ACER3: variants seen among roughly 807,000 people sequenced by gnomAD.
ACER3 encodes alkCDase 3.
A neutral mutation model predicts 48.9 loss-of-function variants in ACER3; 16 were observed. That is an observed-to-expected ratio of 0.33 (90% CI 0.22 to 0.50). The LOEUF (loss-of-function observed/expected upper bound fraction) is 0.50. Ranked by LOEUF, ACER3 falls within the 20% of genes least tolerant of loss-of-function variation. The pLI is 0.98. For missense variants in ACER3, 227 were observed against 326.0 expected (o/e 0.70, Z 2.34); for synonymous variants, 109 against 107.8 (o/e 1.01, Z -0.07).
At chr11:76,966,016 A>G (rs1055008258) in intron 3 of ACER3, among the ~76,000 whole-genome samples, 13 of 151,344 alleles carry the variant, frequency 8.6e-5, no homozygotes, top group South Asian at 2.1e-4. Context: ...AGGCTGGCAA[A>G]TTGGATAAAG....
chr11:76,920,478 C>T (rs182131474), intron 1 of ACER3, among the ~76,000 whole-genome samples: 314 of 152,226 alleles, frequency 2.1e-3, no homozygotes, highest in African/African-American at 7.2e-3. Context: ...AATGCTCTAT[C>T]TCAGCCTTAG....
At chr11:76,872,550 G>C (rs1240277551) in intron 1 of ACER3, among the ~76,000 whole-genome samples, 1 of 152,156 alleles carries the variant, frequency 6.6e-6, no homozygotes, top group Non-Finnish European at 1.5e-5. Context: ...GTCTGCCTAA[G>C]ATTACATTGA....
At chr11:76,977,294 G>A (rs916922326) in intron 4 of ACER3, among the ~76,000 whole-genome samples, 1 of 152,222 alleles carries the variant, frequency 6.6e-6, no homozygotes, top group Non-Finnish European at 1.5e-5. Flanking sequence ...CTCAAGGAGA[G>A]GTTGGAAGAA....
chr11:76,889,669 C>T (rs1300869440), intron 1 of ACER3, among the ~76,000 whole-genome samples: 2 of 152,168 alleles, frequency 1.3e-5, no homozygotes, highest in Non-Finnish European at 2.9e-5. Flanking sequence ...TTCCTGAACA[C>T]AGAATGCAGC....
intron 1 of ACER3, among the ~76,000 whole-genome samples, chr11:76,877,797 T>C (rs1199378695): frequency 1.3e-5 from 2 of 152,126 alleles, no homozygotes; most frequent in Non-Finnish European, 2.9e-5. Flanking sequence ...AGATAACCAG[T>C]ATACTTAATT....
chr11:76,963,994 G>A (rs10793221), intron 3 of ACER3, among the ~76,000 whole-genome samples: 87,407 of 151,038 alleles, frequency 0.58, 28,710 homozygotes, highest in Non-Finnish European at 0.74. Context: ...GTGCATGTGC[G>A]TGAGCCAAAG....
At chr11:76,989,358 T>C (rs1948751378) in intron 5 of ACER3, among the ~76,000 whole-genome samples, 2 of 151,786 alleles carry the variant, frequency 1.3e-5, no homozygotes, top group African/African-American at 4.8e-5. Flanking sequence ...TATAGAAATA[T>C]CTAAATCCAG....
Position 76,985,712 on chromosome 11 carries a change from A to T in ACER3, c.390A>T (p.Leu130Phe). ...TTTTTACCTTAGTTCTATTCAGTTT[A>T]ATAGTAACCACAGTAAGTCATATTT... Reference protein sequence around the residue: ...HLLFTLVLFSLIVTTVYLKVK... With the variant: ...HLLFTLVLFSFIVTTVYLKVK... Residue 130 changes from leucine (L) to phenylalanine (F), a missense_variant, in exon 5 of 11, where the codon TTA becomes TTT. Transcript: ENST00000532485. The T allele has an allele frequency of 6.5e-7, 1 of 1,538,502 alleles. No homozygotes were observed. Among genetic ancestry groups the T allele is most frequent in the Non-Finnish European group, 8.7e-7 (1 of 1,145,112 alleles).
At chr11:77,013,396 T>C (rs546705821) in intron 7 of ACER3, among the ~76,000 whole-genome samples, 18 of 151,116 alleles carry the variant, frequency 1.2e-4, no homozygotes, top group Admixed American at 4.0e-4. Context: ...ATAGAAAGAA[T>C]TCTTAAAACT....
chr11:76,998,137 A>G (rs1245162973), intron 6 of ACER3, among the ~76,000 whole-genome samples: 2 of 152,146 alleles, frequency 1.3e-5, no homozygotes, highest in African/African-American at 2.4e-5. Flanking sequence ...GCTAACTCAT[A>G]TTTTCCCACC....
intron 7 of ACER3, among the ~76,000 whole-genome samples, chr11:77,005,614 T>A (rs1949119022): frequency 6.6e-6 from 1 of 152,074 alleles, no homozygotes; most frequent in African/African-American, 2.4e-5. Flanking sequence ...TCTTCCTAGC[T>A]TCTAGTAGTT....
intron 10 of ACER3, 57 bp from the exon 11 acceptor site, chr11:77,020,217 G>C (rs1438397090): frequency 6.4e-7 from 1 of 1,563,704 alleles, no homozygotes; most frequent in Non-Finnish European, 8.8e-7. Context: ...TCTTTTTCAG[G>C]GATAACATGG....
At chr11:76,936,262 A>T (rs1947182296) in intron 2 of ACER3, among the ~76,000 whole-genome samples, 1 of 152,104 alleles carries the variant, frequency 6.6e-6, no homozygotes, top group Non-Finnish European at 1.5e-5. Flanking sequence ...ACAGAAATAG[A>T]CCCAAACCTA....
chr11:76,864,721 T>C (rs1945030018), intron 1 of ACER3, among the ~76,000 whole-genome samples: 1 of 146,516 alleles, frequency 6.8e-6, no homozygotes, highest in Non-Finnish European at 1.5e-5. Context: ...TGCCTCAGCC[T>C]CCCAAGTAGC....
At chr11:76,969,713 C>A (rs1948240336) in intron 3 of ACER3, among the ~76,000 whole-genome samples, 1 of 145,868 alleles carries the variant, frequency 6.9e-6, no homozygotes, top group Admixed American at 7.2e-5. Context: ...CCAAACACTG[C>A]ATGTTCTCAC....
chr11:76,998,282 G>T (rs532481486), intron 6 of ACER3, among the ~76,000 whole-genome samples: 1 of 152,322 alleles, frequency 6.6e-6, no homozygotes, highest in East Asian at 1.9e-4. Context: ...CAAGAAGTGG[G>T]CACCTTTTTT....
At chr11:76,945,444 G>C (rs903179608) in intron 2 of ACER3, among the ~76,000 whole-genome samples, 5 of 152,186 alleles carry the variant, frequency 3.3e-5, no homozygotes, top group African/African-American at 1.2e-4. Flanking sequence ...GCCTGCAGTA[G>C]TGTGATCTTT....
chr11:76,976,252 G>T, intron 3 of ACER3, 37 bp from the exon 4 acceptor site: 1 of 1,459,152 alleles, frequency 6.9e-7, no homozygotes, highest in South Asian at 1.2e-5. Context: ...GCTGCTCCAT[G>T]ATATTCAAGC....
chr11:76,976,033 C>G (rs1421735241), intron 3 of ACER3, among the ~76,000 whole-genome samples: 1 of 151,954 alleles, frequency 6.6e-6, no homozygotes, highest in Admixed American at 6.6e-5. Context: ...GCACATGCCA[C>G]TACCATGCCC....
Sources: gnomAD v4.1 joint callset for allele counts (sites outside exome capture counted in the v4.1 genomes callset) on GRCh38, gnomAD v4.1.1 for gene constraint, MANE v1.5 for transcripts, NCBI Gene and HGNC (gene_info 2026-07-23, HGNC 2026-07-21) for gene names.